The following INSR variants were observed in gnomAD, a reference collection of about 807,000 sequenced individuals.
The protein encoded by INSR is IR.
In INSR, 67 loss-of-function variants were observed where a neutral mutation model predicts 142.6. The ratio of observed to expected loss-of-function variants is 0.47; its 90% CI spans 0.39 to 0.58. INSR has a LOEUF of 0.58. Ranked by LOEUF, INSR falls within the 20% of genes least tolerant of loss-of-function variation. The pLI, the probability that INSR is intolerant of heterozygous loss-of-function variation, is 0.00. For synonymous variants in INSR, 756 were observed against 743.1 expected (o/e 1.02, Z -0.28); for missense variants, 1,248 against 1,833.2 (o/e 0.68, Z 5.83).
chr19:7,155,675 G>A (rs2144907292), intron 9 of INSR, among the ~76,000 whole-genome samples: 1 of 151,570 alleles, frequency 6.6e-6, no homozygotes. Flanking sequence ...AACTTTGGGA[G>A]GCTGAGGGGG....
intron 2 of INSR, among the ~76,000 whole-genome samples, chr19:7,226,518 G>A (rs1038402924): frequency 9.2e-5 from 14 of 151,582 alleles, no homozygotes; most frequent in African/African-American, 3.2e-4. Flanking sequence ...TTGAGCCTGA[G>A]AGGTCAAGAC....
chr19:7,143,165 A>T (rs1331017886), intron 11 of INSR, 75 bp from the exon 12 acceptor site: 18 of 1,521,380 alleles, frequency 1.2e-5, no homozygotes. Context: ...TGGAGAATAA[A>T]AGGCTTGATT....
At chr19:7,176,643 T>C (rs1185722868) in intron 3 of INSR, among the ~76,000 whole-genome samples, 1 of 152,010 alleles carries the variant, frequency 6.6e-6, no homozygotes, top group Non-Finnish European at 1.5e-5. Context: ...CCCCTTTCTC[T>C]CTTCCTTCAG....
At position 7,141,755 on chromosome 19, in the gene INSR, G is replaced by A. The variant is rs1171843504; in HGVS notation, c.2604C>T (p.His868=). 6.2e-7 allele frequency: 1 copy of A among 1,614,206 alleles called. No homozygotes were observed. The highest frequency in any genetic ancestry group is 1.7e-5 in the Admixed American group (1 of 60,024). Residue 868 remains histidine, a synonymous_variant, in exon 13 of 22, where the codon CAC becomes CAT. Transcript: ENST00000302850. ...GCTCCTTCGGCTCCTGCCACATCAAGTGGACGACGTTGTTCTCAAAGATTT... is the reference window on the plus strand; with the variant it reads ...GCTCCTTCGGCTCCTGCCACATCAAATGGACGACGTTGTTCTCAAAGATTT... The part of the protein sequence containing the change: ...THEIFENNVV[H]LMWQEPKEPN...
chr19:7,202,556 A>G (rs1354651644), intron 2 of INSR, among the ~76,000 whole-genome samples: 1 of 151,960 alleles, frequency 6.6e-6, no homozygotes, highest in Non-Finnish European at 1.5e-5. Flanking sequence ...GAAGAGTCCA[A>G]TGGCACCATC....
chr19:7,192,111 GAAAA>G lies in INSR; in HGVS notation c.653-7478_653-7475del, dbSNP rs1183743418. Among the ~76,000 whole-genome samples, 3 of 139,124 alleles carry G rather than the reference GAAAA, an allele frequency of 2.2e-5. No individual in the cohort carries two copies. In the East Asian group the frequency reaches 6.2e-4, roughly 29 times the overall value. The allele number at this position is 139,124 out of a possible 152,430, so 91.3% of individuals were successfully genotyped here. A position where few individuals can be genotyped will look rare whatever the true frequency, so the allele number is the denominator to read the frequency against. On this transcript the variant is annotated intron_variant, in intron 2 of 21. Coordinates refer to ENST00000302850, the MANE Select transcript of INSR (RefSeq NM_000208.4). The surrounding 1 kb of genome is among the most constrained non-coding windows in gnomAD (Gnocchi z 4.2). ...AGAAAGAATACAGAAAGAGAAAAAA[GAAAA>G]GAAAGAGGGAGAAAGAAGAAAGATA...
At chr19:7,161,259 A>T (rs1331941605) in intron 9 of INSR, among the ~76,000 whole-genome samples, 1 of 150,888 alleles carries the variant, frequency 6.6e-6, no homozygotes, top group African/African-American at 2.4e-5. Flanking sequence ...AATTTTGTAT[A>T]ATTTTTTTTA....
chr19:7,194,802 G>A (rs113767772), intron 2 of INSR, among the ~76,000 whole-genome samples: 66 of 151,576 alleles, frequency 4.4e-4, no homozygotes, highest in African/African-American at 1.6e-3. Context: ...GAGCCACCGC[G>A]CCAGGCCAGC....
chr19:7,203,957 A>G (rs1975034429), intron 2 of INSR, among the ~76,000 whole-genome samples: 1 of 152,168 alleles, frequency 6.6e-6, no homozygotes, highest in African/African-American at 2.4e-5. Flanking sequence ...ATCTTGGCTC[A>G]CTGCAATCTC....
intron 3 of INSR, among the ~76,000 whole-genome samples, chr19:7,178,244 G>A (rs1352889893): frequency 3.4e-5 from 2 of 59,380 alleles, no homozygotes; most frequent in Non-Finnish European, 6.1e-5. Context: ...GGTGACTTGT[G>A]GGGGGGGGGG....
At chr19:7,153,217 A>AGAC (rs1973463364) in intron 9 of INSR, among the ~76,000 whole-genome samples, 1 of 35,642 alleles carries the variant, frequency 2.8e-5, no homozygotes, top group East Asian at 4.6e-4. Context: ...CACACACCAC[A>AGAC]CACACGCACC....
intron 9 of INSR, among the ~76,000 whole-genome samples, chr19:7,154,434 C>G (rs904031117): frequency 6.8e-6 from 1 of 147,674 alleles, no homozygotes; most frequent in African/African-American, 2.5e-5. Flanking sequence ...TCCTGAGTAG[C>G]TGGGACTACA....
intron 3 of INSR, among the ~76,000 whole-genome samples, chr19:7,175,619 G>A (rs1384028162): frequency 1.3e-5 from 2 of 152,108 alleles, no homozygotes; most frequent in Non-Finnish European, 2.9e-5. Flanking sequence ...CAGATCACCT[G>A]AGGTCAGGAG....
chr19:7,244,951 T>C (rs200641648), intron 2 of INSR, among the ~76,000 whole-genome samples: 9 of 107,374 alleles, frequency 8.4e-5, no homozygotes, highest in African/African-American at 3.5e-4. Flanking sequence ...TTTTTTTTTT[T>C]TCAAGATGGA....
chr19:7,117,972 TC>T (rs1316583498), intron 21 of INSR, among the ~76,000 whole-genome samples: 1 of 148,840 alleles, frequency 6.7e-6, no homozygotes, highest in Non-Finnish European at 1.5e-5. Flanking sequence ...AGTGGCGCAA[TC>T]ATAGCTCATT....
intron 2 of INSR, among the ~76,000 whole-genome samples, chr19:7,251,014 C>T (rs897326165): frequency 6.6e-6 from 1 of 152,036 alleles, no homozygotes; most frequent in Non-Finnish European, 1.5e-5. Context: ...AGGCTTTCTG[C>T]CCCTCAGCAC....
At chr19:7,229,340 G>GGATA (rs1975896392) in intron 2 of INSR, among the ~76,000 whole-genome samples, 2 of 32,700 alleles carry the variant, frequency 6.1e-5, no homozygotes, top group South Asian at 3.3e-3. Context: ...ATAGATGGAT[G>GGATA]GATGGATGGA....
At chr19:7,261,011 C>G (rs1428668352) in intron 2 of INSR, among the ~76,000 whole-genome samples, 1 of 152,010 alleles carries the variant, frequency 6.6e-6, no homozygotes, top group Non-Finnish European at 1.5e-5. Flanking sequence ...CCTCAGCCTT[C>G]CAAGTAGCTG....
chr19:7,181,928 G>A (rs74255744), intron 3 of INSR, among the ~76,000 whole-genome samples: 1 of 151,862 alleles, frequency 6.6e-6, no homozygotes, highest in South Asian at 2.1e-4. Context: ...AAAACATCAA[G>A]AACTCCTTCC....
Sources: allele counts gnomAD v4.1 joint callset (sites outside exome capture counted in the v4.1 genomes callset), GRCh38; gene constraint gnomAD v4.1.1; non-coding constraint Gnocchi (gnomAD v3.1); transcripts MANE v1.5; gene names NCBI Gene and HGNC (gene_info 2026-07-23, HGNC 2026-07-21).